MBOAT1: variants seen among roughly 807,000 people sequenced by gnomAD.
The protein encoded by MBOAT1 is membrane bound glycerophospholipid O-acyltransferase 1.
Under a neutral mutation model 64.4 loss-of-function variants are expected in MBOAT1, and 67 were observed. The observed-to-expected ratio is 1.04, with a 90% confidence interval of 0.85 to 1.27. The LOEUF (loss-of-function observed/expected upper bound fraction) is 1.27, where lower values mean the gene tolerates loss of function less well. Ranked by LOEUF, MBOAT1 falls within the 50% of genes most tolerant of loss-of-function variation. The pLI is 0.00. For synonymous variants in MBOAT1, 229 were observed against 218.9 expected (o/e 1.05, Z -0.41); for missense variants, 563 against 604.6 (o/e 0.93, Z 0.72).
intron 4 of MBOAT1, among the ~76,000 whole-genome samples, chr6:20,142,507 T>C (rs1422878075): frequency 2.0e-5 from 3 of 152,202 alleles, no homozygotes; most frequent in Non-Finnish European, 4.4e-5. Flanking sequence ...TGGAGTGCAG[T>C]GGCGCGATCT....
At chr6:20,184,749 G>A (rs1330008219) in intron 1 of MBOAT1, among the ~76,000 whole-genome samples, 1 of 151,864 alleles carries the variant, frequency 6.6e-6, no homozygotes, top group African/African-American at 2.4e-5. Flanking sequence ...CCCCCTTTTA[G>A]GAAAGCTTCC....
chr6:20,178,380 CAAAGTTGATAAATAAAGTTGATAATAAAA>C (rs1252175820), intron 1 of MBOAT1, among the ~76,000 whole-genome samples: 1 of 152,010 alleles, frequency 6.6e-6, no homozygotes, highest in African/African-American at 2.4e-5. Flanking sequence ...GGAAAGTTGA[CAAAGTTGATAAATAAAGTTGATAATAAAA>C]AAAGTTGATA....
intron 1 of MBOAT1, among the ~76,000 whole-genome samples, chr6:20,207,073 T>C (rs1486843827): frequency 1.3e-5 from 2 of 152,218 alleles, no homozygotes; most frequent in Admixed American, 1.3e-4. Context: ...AAGGAGCTGC[T>C]GAAAGAAAAA....
At chr6:20,106,043 A>G (rs926733578) in intron 12 of MBOAT1, among the ~76,000 whole-genome samples, 5 of 152,224 alleles carry the variant, frequency 3.3e-5, no homozygotes, top group African/African-American at 1.2e-4. Context: ...TGAAATTTCA[A>G]TGTTAAGCAA....
chr6:20,107,969 GGGCAT>G (rs1305658592), intron 12 of MBOAT1, among the ~76,000 whole-genome samples: 1 of 152,130 alleles, frequency 6.6e-6, no homozygotes, highest in Non-Finnish European at 1.5e-5. Flanking sequence ...GTTGGCTTGA[GGGCAT>G]GGACAAATGG....
Position 20,131,319 on chromosome 6 carries a change from G to A in MBOAT1, c.420-120C>T, listed in dbSNP as rs1760822441. On this transcript the variant is annotated intron_variant, in intron 4 of 12. Coordinates refer to ENST00000324607, the MANE Select transcript of MBOAT1 (RefSeq NM_001080480.3). ...CCCATAATCCCCACATGTCGTGGGA[G>A]GGACCAAATGGGAGGTAATTGAATC... 5.0e-6 allele frequency: 4 copies of A among 798,452 alleles called. No individual in the cohort carries two copies. In the South Asian group the frequency reaches 5.8e-5, roughly 12 times the overall value. 49.5% of individuals were successfully genotyped at this position (798,452 alleles called of 1,614,324 possible).
chr6:20,144,048 T>C (rs1205026590), intron 4 of MBOAT1, among the ~76,000 whole-genome samples, 172 bp downstream of exon 4: 1 of 152,172 alleles, frequency 6.6e-6, no homozygotes, highest in Non-Finnish European at 1.5e-5. Context: ...ATAGCAGAGC[T>C]AACAGTCCTA....
intron 1 of MBOAT1, among the ~76,000 whole-genome samples, chr6:20,190,282 T>C (rs1218174454): frequency 6.6e-6 from 1 of 152,166 alleles, no homozygotes; most frequent in Non-Finnish European, 1.5e-5. Flanking sequence ...CATGAGCCAC[T>C]GTACCTGGCC....
intron 1 of MBOAT1, among the ~76,000 whole-genome samples, chr6:20,189,416 G>A (rs1397749480): frequency 6.6e-6 from 1 of 151,944 alleles, no homozygotes; most frequent in African/African-American, 2.4e-5. Context: ...AAGAGACAGG[G>A]TCTCACTATG....
At chr6:20,104,635 A>AATAT (rs1759897667) in intron 12 of MBOAT1, among the ~76,000 whole-genome samples, 1 of 152,206 alleles carries the variant, frequency 6.6e-6, no homozygotes, top group Non-Finnish European at 1.5e-5. Flanking sequence ...CTTTTTGAAG[A>AATAT]ATAAAGGAAA....
In MBOAT1 at chr6:20,112,954, A is replaced by C. The variant is rs760232476; in HGVS notation, c.1131T>G (p.Ser377=). ...CAGGGTAGACACCATGCCACAAAGCAGACAGGATGAAGGTTAGCACCGTGG... is the reference window on the plus strand; with the variant it reads ...CAGGGTAGACACCATGCCACAAAGCCGACAGGATGAAGGTTAGCACCGTGG... ...WYPTVLTFIL[S]ALWHGVYPGY... Residue 377 remains serine, a synonymous_variant, in exon 11 of 13, where the codon TCT becomes TCG. Transcript: ENST00000324607. 18 of 1,614,066 alleles carry C rather than the reference A, an allele frequency of 1.1e-5. No homozygotes were observed. Among genetic ancestry groups the C allele is most frequent in the Non-Finnish European group, 1.5e-5 (18 of 1,180,006 alleles).
In MBOAT1 at chr6:20,100,962, G is replaced by A. The variant is rs1222898877; in HGVS notation, c.*1324C>T. On this transcript the variant is annotated 3_prime_UTR_variant, in exon 13 of 13. Coordinates refer to ENST00000324607, the MANE Select transcript of MBOAT1 (RefSeq NM_001080480.3). ...AAAGATAGAAAAGAAAACTTTCAATGTCTGCTTTCCAATATGATGATTCAA... is the reference window on the plus strand; with the variant it reads ...AAAGATAGAAAAGAAAACTTTCAATATCTGCTTTCCAATATGATGATTCAA... Among the ~76,000 whole-genome samples the A allele has an allele frequency of 6.6e-6, 1 of 152,000 alleles. No individual in the cohort carries two copies.
At chr6:20,158,697 A>G (rs899411222) in intron 1 of MBOAT1, among the ~76,000 whole-genome samples, 3 of 152,224 alleles carry the variant, frequency 2.0e-5, no homozygotes, top group African/African-American at 7.2e-5. Flanking sequence ...CAAAATATAA[A>G]AAGAATTCTA....
At position 20,168,463 on chromosome 6, in the gene MBOAT1, AAGACAGAGACAG is replaced by A. The variant is rs202235159; in HGVS notation, c.100-15706_100-15695del. ...CTGGGCCACAGAGTCAGACTCAAGA[AAGACAGAGACAG>A]AGACAGAGACAGAGACAGAGAGAGA... On this transcript the variant is annotated intron_variant, in intron 1 of 12. Coordinates refer to ENST00000324607, the MANE Select transcript of MBOAT1 (RefSeq NM_001080480.3). Among the ~76,000 whole-genome samples the A allele has an allele frequency of 1.2e-3, 165 of 134,032 alleles. 1 individual carries two copies. Among genetic ancestry groups the A allele is most frequent in the African/African-American group, 4.3e-3 (139 of 32,516 alleles). 87.9% of individuals were successfully genotyped at this position (134,032 alleles called of 152,430 possible).
intron 1 of MBOAT1, among the ~76,000 whole-genome samples, chr6:20,153,670 A>G (rs1761593908): frequency 6.6e-6 from 1 of 152,220 alleles, no homozygotes; most frequent in African/African-American, 2.4e-5. Flanking sequence ...GACACTGAAG[A>G]TCTACAAATA....
At chr6:20,145,881 A>T (rs73384425) in intron 3 of MBOAT1, among the ~76,000 whole-genome samples, 3,851 of 152,260 alleles carry the variant, frequency 0.025, 160 homozygotes, top group African/African-American at 0.088. Flanking sequence ...GTCTTACTCC[A>T]TGCATCCTAC....
chr6:20,171,108 TAC>T (rs1762176797), intron 1 of MBOAT1, among the ~76,000 whole-genome samples: 1 of 152,056 alleles, frequency 6.6e-6, no homozygotes, highest in Non-Finnish European at 1.5e-5. Flanking sequence ...AAAAAAGAAA[TAC>T]AGTTTCAGGC....
intron 12 of MBOAT1, among the ~76,000 whole-genome samples, chr6:20,107,895 C>T (rs1760007622): frequency 6.6e-6 from 1 of 151,996 alleles, no homozygotes; most frequent in African/African-American, 2.4e-5. Flanking sequence ...CCCCTGCAGA[C>T]AGCTCAATGG....
chr6:20,103,798 TAA>T (rs540357347), intron 12 of MBOAT1, among the ~76,000 whole-genome samples: 242 of 152,326 alleles, frequency 1.6e-3, no homozygotes, highest in African/African-American at 5.4e-3. Flanking sequence ...GTTTATAAAG[TAA>T]AGAAAGTTAC....
Sources: allele counts gnomAD v4.1 joint callset (sites outside exome capture counted in the v4.1 genomes callset), GRCh38; gene constraint gnomAD v4.1.1; transcripts MANE v1.5; gene names NCBI Gene and HGNC (gene_info 2026-07-23, HGNC 2026-07-21).